Variants in LMO1 observed in about 807,000 individuals in gnomAD.
The protein encoded by LMO1 is rhombotin-1.
A neutral mutation model predicts 18.0 loss-of-function variants in LMO1; 10 were observed. The observed-to-expected ratio is 0.55, with a 90% CI of 0.34 to 0.94. The LOEUF (loss-of-function observed/expected upper bound fraction) is 0.94. Among genes scored for constraint, LMO1 ranks in the 40% least tolerant of loss-of-function variants. LMO1 has a pLI of 0.02. For synonymous variants in LMO1, 77 were observed against 77.9 expected (o/e 0.99, Z 0.06); for missense variants, 183 against 205.7 (o/e 0.89, Z 0.68).
chr11:8,262,945 G>C (rs1387524714), intron 1 of LMO1, among the ~76,000 whole-genome samples: 1 of 152,234 alleles, frequency 6.6e-6, no homozygotes, highest in East Asian at 1.9e-4. Context: ...GCTGGCGCGA[G>C]GGTGATGGCT....
chr11:8,258,327 C>T (rs1333574941), intron 1 of LMO1, among the ~76,000 whole-genome samples: 2 of 152,218 alleles, frequency 1.3e-5, no homozygotes. Flanking sequence ...GAGCTCCTAA[C>T]TCCCTGGGCC....
chr11:8,236,029 T>C (rs920519478), intron 1 of LMO1, among the ~76,000 whole-genome samples: 9 of 152,146 alleles, frequency 5.9e-5, no homozygotes, highest in Non-Finnish European at 1.2e-4. Context: ...GCCAGTCTAG[T>C]GGTCAGTGCA....
intron 1 of LMO1, among the ~76,000 whole-genome samples, chr11:8,237,941 T>C (rs1395649132): frequency 1.3e-5 from 2 of 152,240 alleles, no homozygotes; most frequent in African/African-American, 2.4e-5. Context: ...TTTAAAGGAT[T>C]GAGGATTAAA....
intron 3 of LMO1, 139 bp from the exon 4 acceptor site, chr11:8,224,860 G>C: frequency 1.5e-6 from 1 of 649,100 alleles, no homozygotes; most frequent in Admixed American, 2.3e-5. Context: ...GAACCTTCCA[G>C]AGGGAACTGC....
chr11:8,235,328 A>G (rs930003598), intron 1 of LMO1, among the ~76,000 whole-genome samples: 1 of 152,128 alleles, frequency 6.6e-6, no homozygotes, highest in Non-Finnish European at 1.5e-5. Context: ...CTTTCTACCT[A>G]CTTCTACCTA....
intron 1 of LMO1, among the ~76,000 whole-genome samples, chr11:8,240,857 G>C (rs1008274608): frequency 2.0e-5 from 3 of 152,160 alleles, no homozygotes; most frequent in Non-Finnish European, 4.4e-5. Flanking sequence ...CTGGAGCATA[G>C]TGATTCTGGA....
chr11:8,238,216 G>T (rs1256388144), intron 1 of LMO1, among the ~76,000 whole-genome samples: 1 of 152,204 alleles, frequency 6.6e-6, no homozygotes. Context: ...CAATGGAATA[G>T]TATGTAGCAA....
At chr11:8,234,368 C>G (rs1214991244) in intron 1 of LMO1, among the ~76,000 whole-genome samples, 1 of 151,920 alleles carries the variant, frequency 6.6e-6, no homozygotes, top group African/African-American at 2.4e-5. Context: ...AGGAGAAATG[C>G]CCTCATCTTC....
upstream of LMO1, among the ~76,000 whole-genome samples, chr11:8,266,640 G>T (rs1454947024): frequency 6.6e-6 from 1 of 152,184 alleles, no homozygotes; most frequent in Non-Finnish European, 1.5e-5. Flanking sequence ...CAAATATCTG[G>T]GCAGGTCCCA....
At chr11:8,230,612 C>G in intron 1 of LMO1, 108 bp from the exon 2 acceptor site, 1 of 1,207,016 alleles carries the variant, frequency 8.3e-7, no homozygotes, top group African/African-American at 1.5e-5. Context: ...GCTGCCCCCT[C>G]TAGGTTTGGG....
chr11:8,254,637 T>TG (rs149239827), intron 1 of LMO1, among the ~76,000 whole-genome samples: 1 of 151,912 alleles, frequency 6.6e-6, no homozygotes, highest in Non-Finnish European at 1.5e-5. Context: ...AGGCTGGCCC[T>TG]GGGAGGAATG....
chr11:8,231,353 C>A (rs1028967415), intron 1 of LMO1, among the ~76,000 whole-genome samples: 2 of 152,236 alleles, frequency 1.3e-5, no homozygotes, highest in Non-Finnish European at 1.5e-5. Context: ...CGAGCATGTG[C>A]GCTCACACAC....
intron 1 of LMO1, among the ~76,000 whole-genome samples, chr11:8,230,922 G>A (rs1477818980): frequency 2.6e-5 from 4 of 152,216 alleles, no homozygotes; most frequent in African/African-American, 9.6e-5. Flanking sequence ...AGGCCCACGA[G>A]GTCCTCTAGA....
intron 1 of LMO1, among the ~76,000 whole-genome samples, chr11:8,244,200 T>C (rs1264535110): frequency 3.3e-5 from 5 of 152,018 alleles, no homozygotes; most frequent in East Asian, 1.9e-4. Context: ...CCAGATCACA[T>C]ATAGGAGAGG....
chr11:8,247,821 C>T (rs954047212), intron 1 of LMO1, among the ~76,000 whole-genome samples: 5 of 152,204 alleles, frequency 3.3e-5, no homozygotes, highest in Non-Finnish European at 4.4e-5. Flanking sequence ...AAATTTCTCC[C>T]CCAAAGTTCT....
At chr11:8,248,719 C>T (rs1846937715) in intron 1 of LMO1, among the ~76,000 whole-genome samples, 1 of 152,188 alleles carries the variant, frequency 6.6e-6, no homozygotes, top group Admixed American at 6.5e-5. Context: ...AACACTGGCC[C>T]AGAGTGGGAG....
chr11:8,263,604 T>C lies in LMO1; in HGVS notation c.-242A>G. 1 of 1,362,120 alleles carries C rather than the reference T, an allele frequency of 7.3e-7. No individual in the cohort carries two copies. Among genetic ancestry groups the C allele is most frequent in the Non-Finnish European group, 9.4e-7 (1 of 1,061,912 alleles). 84.4% of individuals were successfully genotyped at this position (1,362,120 alleles called of 1,614,324 possible). A position where few individuals can be genotyped will look rare whatever the true frequency, so the allele number is the denominator to read the frequency against. ...AATTGGAAGGAACTACGAACTGCAA[T>C]TTAGAGAGAGAGGGAGAGGGAGAGA... On this transcript the variant is annotated 5_prime_UTR_variant, in exon 1 of 4. Coordinates refer to ENST00000335790, the MANE Select transcript of LMO1 (RefSeq NM_002315.3).
chr11:8,260,647 G>A (rs1257083768), intron 1 of LMO1, among the ~76,000 whole-genome samples: 1 of 152,108 alleles, frequency 6.6e-6, no homozygotes, highest in Non-Finnish European at 1.5e-5. Context: ...ACGGCAAAAC[G>A]ATTGATATTT....
intron 1 of LMO1, among the ~76,000 whole-genome samples, chr11:8,232,503 G>A (rs1399865168): frequency 6.6e-6 from 1 of 152,172 alleles, no homozygotes; most frequent in Non-Finnish European, 1.5e-5. Flanking sequence ...TCCCAGAGTG[G>A]GACCTGGACC....
Sources: allele counts gnomAD v4.1 joint callset (sites outside exome capture counted in the v4.1 genomes callset), GRCh38; gene constraint gnomAD v4.1.1; transcripts MANE v1.5; gene names NCBI Gene and HGNC (gene_info 2026-07-23, HGNC 2026-07-21).